The following MAP4K4 variants were observed in gnomAD, a reference collection of about 807,000 sequenced individuals.
MAP4K4 encodes the protein HPK/GCK-like kinase HGK.
A neutral mutation model predicts 189.6 loss-of-function variants in MAP4K4; 38 were observed. The ratio of observed to expected loss-of-function variants is 0.20; its 90% CI spans 0.15 to 0.26. The LOEUF is 0.26. MAP4K4 is among the 10% of genes least tolerant of loss of function. MAP4K4 has a pLI of 1.00. For synonymous variants in MAP4K4, 610 were observed against 624.3 expected, an observed-to-expected ratio of 0.98 and a Z score of 0.34; for missense variants, 1,054 against 1,726.9, an observed-to-expected ratio of 0.61 and a Z score of 6.91.
chr2:101,766,908 C>G (rs951824364), intron 2 of MAP4K4, among the ~76,000 whole-genome samples: 13 of 152,138 alleles, frequency 8.5e-5, no homozygotes, highest in African/African-American at 3.1e-4. Context: ...AAAGCACACT[C>G]CACAGGGTGG....
At chr2:101,786,253 A>C (rs922239852) in intron 2 of MAP4K4, among the ~76,000 whole-genome samples, 1 of 152,130 alleles carries the variant, frequency 6.6e-6, no homozygotes, top group Non-Finnish European at 1.5e-5. Flanking sequence ...AGTGCCCCGC[A>C]TTTAAAACCA....
chr2:101,766,455 T>C (rs953476291), intron 2 of MAP4K4, among the ~76,000 whole-genome samples: 5 of 152,174 alleles, frequency 3.3e-5, no homozygotes, highest in African/African-American at 1.2e-4. Flanking sequence ...AGTCCCTGGC[T>C]CCCAGTCTTT....
chr2:101,713,980 GA>G (rs1328532940), intron 2 of MAP4K4, among the ~76,000 whole-genome samples: 2 of 152,054 alleles, frequency 1.3e-5, no homozygotes, highest in Non-Finnish European at 2.9e-5. Context: ...TTACAATCTG[GA>G]ACCTCATATG....
intron 2 of MAP4K4, among the ~76,000 whole-genome samples, chr2:101,736,416 G>T (rs563817298): frequency 6.6e-5 from 10 of 152,266 alleles, no homozygotes; most frequent in South Asian, 4.1e-4. Context: ...GCCTTACCCA[G>T]CTGGGTCCTG....
chr2:101,769,757 T>G (rs1439889468), intron 2 of MAP4K4, among the ~76,000 whole-genome samples: 3 of 151,776 alleles, frequency 2.0e-5, no homozygotes, highest in Non-Finnish European at 4.4e-5. Context: ...CTAATTTTTG[T>G]TTTTAGTAGA....
At chr2:101,736,328 T>TGCTGCCACACTGGCC (rs1216270128) in intron 2 of MAP4K4, among the ~76,000 whole-genome samples, 28 of 152,258 alleles carry the variant, frequency 1.8e-4, no homozygotes, top group African/African-American at 6.8e-4. Flanking sequence ...ATTTCCTTGT[T>TGCTGCCACACTGGCC]GCTGCCACAC....
chr2:101,698,702 G>C (rs896759089), intron 2 of MAP4K4, among the ~76,000 whole-genome samples, 164 bp downstream of exon 2: 2 of 152,084 alleles, frequency 1.3e-5, no homozygotes, highest in African/African-American at 4.8e-5. Flanking sequence ...TGCACACCGA[G>C]TTTATATTCA....
chr2:101,879,286 T>C (rs1049554782), intron 27 of MAP4K4, among the ~76,000 whole-genome samples: 2 of 147,254 alleles, frequency 1.4e-5, no homozygotes, highest in South Asian at 2.1e-4. Context: ...TTTTTTTTTT[T>C]CCTTCCTTAT....
At chr2:101,868,134 C>G in intron 21 of MAP4K4, 97 bp downstream of exon 21, 17 of 1,306,364 alleles carry the variant, frequency 1.3e-5, no homozygotes, top group Non-Finnish European at 1.8e-5. Flanking sequence ...CCTTCCTCAA[C>G]TTGACTTCTT....
chr2:101,871,314 G>T (rs114501226), intron 23 of MAP4K4, among the ~76,000 whole-genome samples, 180 bp from the exon 24 acceptor site: 4 of 152,312 alleles, frequency 2.6e-5, no homozygotes, highest in Non-Finnish European at 5.9e-5. Context: ...TTTGAATTCT[G>T]TTGGCACAAG....
intron 2 of MAP4K4, among the ~76,000 whole-genome samples, chr2:101,738,304 C>T (rs1282998933): frequency 1.3e-5 from 2 of 152,126 alleles, no homozygotes; most frequent in Non-Finnish European, 2.9e-5. Context: ...TGATCAGAAA[C>T]TGACTTGGAT....
At chr2:101,724,745 C>T (rs965128667) in intron 2 of MAP4K4, among the ~76,000 whole-genome samples, 2 of 152,196 alleles carry the variant, frequency 1.3e-5, no homozygotes, top group Admixed American at 6.5e-5. Flanking sequence ...TAGTACTACT[C>T]CTACATAGCT....
chr2:101,825,182 G>A (rs2096290438), intron 4 of MAP4K4, 137 bp from the exon 5 acceptor site: 3 of 574,012 alleles, frequency 5.2e-6, no homozygotes, highest in Non-Finnish European at 9.4e-6. Flanking sequence ...AGTTATTTAG[G>A]TGCCTCCAAA....
chr2:101,846,757 A>G (rs2149635070), intron 12 of MAP4K4, among the ~76,000 whole-genome samples: 1 of 152,358 alleles, frequency 6.6e-6, no homozygotes, highest in African/African-American at 2.4e-5. Flanking sequence ...TTAATTAGGA[A>G]AGATTAAGAA....
chr2:101,732,846 C>T lies in MAP4K4; in HGVS notation c.123+34308C>T, dbSNP rs535803251. Among the ~76,000 whole-genome samples, 354 of 152,350 alleles carry T rather than the reference C, an allele frequency of 2.3e-3. 1 individual carries two copies. The highest frequency in any genetic ancestry group is 3.3e-3 in the Non-Finnish European group (222 of 68,034). On this transcript the variant is annotated intron_variant, in intron 2 of 32. Coordinates refer to ENST00000324219, the Ensembl canonical transcript of MAP4K4. ...TCGTGATCCGCCTGCCTCGGCCTCC[C>T]GAAGTGTTGGGATTACAGGCGTGAG...
At chr2:101,756,376 A>C (rs978880480) in intron 2 of MAP4K4, among the ~76,000 whole-genome samples, 5 of 151,890 alleles carry the variant, frequency 3.3e-5, no homozygotes, top group Non-Finnish European at 1.5e-5. Flanking sequence ...GATGCCATCT[A>C]CTCCAGCCCG....
intron 5 of MAP4K4, among the ~76,000 whole-genome samples, chr2:101,827,279 A>G (rs2096403965): frequency 6.6e-6 from 1 of 152,104 alleles, no homozygotes; most frequent in African/African-American, 2.4e-5. Context: ...CTTTGCCTAC[A>G]TGTCATCTAG....
intron 2 of MAP4K4, among the ~76,000 whole-genome samples, chr2:101,708,485 A>C (rs974330081): frequency 8.5e-5 from 13 of 152,216 alleles, no homozygotes; most frequent in African/African-American, 3.1e-4. Flanking sequence ...GATGAGGAAT[A>C]AGGAAAGTGA....
At position 101,753,014 on chromosome 2, in the gene MAP4K4, G is replaced by GT. The variant is rs536187726; in HGVS notation, c.124-37705dup. Among the ~76,000 whole-genome samples, 61 of 152,342 alleles carry GT rather than the reference G, an allele frequency of 4.0e-4. No homozygotes were observed. In the South Asian group the frequency reaches 0.013, roughly 32 times the overall value. ...GTTTATTGCACAGTAAATGATGACA[G>GT]TAACAATAGCCAGCATTTATTGTGT... On this transcript the variant is annotated intron_variant, in intron 2 of 32. Coordinates refer to ENST00000324219, the Ensembl canonical transcript of MAP4K4.
Sources: gnomAD v4.1 joint callset for allele counts (sites outside exome capture counted in the v4.1 genomes callset) on GRCh38, gnomAD v4.1.1 for gene constraint, MANE v1.5 for transcripts, NCBI Gene and HGNC (gene_info 2026-07-23, HGNC 2026-07-21) for gene names.